The following AR variants were observed in gnomAD, a reference collection of about 807,000 sequenced individuals.
AR encodes the protein dihydrotestosterone receptor.
In AR, 8 loss-of-function variants were observed where a neutral mutation model predicts 53.9. That is an observed-to-expected ratio of 0.15 (90% confidence interval 0.09 to 0.27). The LOEUF (loss-of-function observed/expected upper bound fraction) is 0.27. Among genes scored for constraint, AR ranks in the 10% least tolerant of loss-of-function variants. AR has a pLI of 1.00. For synonymous variants in AR, 359 were observed against 316.4 expected (o/e 1.13, Z -1.43); for missense variants, 639 against 742.5 (o/e 0.86, Z 1.62).
intron 1 of AR, among the ~76,000 whole-genome samples, chrX:67,605,175 G>T (rs1923567286): frequency 8.9e-6 from 1 of 112,579 alleles, no homozygotes; most frequent in Admixed American, 9.3e-5. Flanking sequence ...ACTGGAGAGT[G>T]TTTTTTGAAA....
In AR at chrX:67,729,482, C is replaced by T. The variant is rs750332219; in HGVS notation, c.*5641C>T. On this transcript the variant is annotated 3_prime_UTR_variant, in exon 8 of 8. Coordinates refer to ENST00000374690, the MANE Select transcript of AR (RefSeq NM_000044.6). ...AGGTGGAGTTTCATAGTAAAAACAGCTTTTGACTCAGCTTTGATTTATCCT... is the reference window on the plus strand; with the variant it reads ...AGGTGGAGTTTCATAGTAAAAACAGTTTTTGACTCAGCTTTGATTTATCCT... The T allele has an allele frequency of 1.3e-4, 23 of 173,661 alleles. No homozygotes were observed. The highest frequency in any genetic ancestry group is 6.2e-4 in the African/African-American group (21 of 33,927). The allele number at this position is 173,661 out of a possible 1,213,427, so 14.3% of individuals were successfully genotyped here.
intron 1 of AR, among the ~76,000 whole-genome samples, chrX:67,594,850 G>T (rs1183842679): frequency 1.8e-5 from 2 of 111,657 alleles, no homozygotes; most frequent in Non-Finnish European, 3.8e-5. Flanking sequence ...TCAGGAGGCT[G>T]AGGTGGGAGG....
At chrX:67,665,100 C>T (rs758586784) in intron 2 of AR, among the ~76,000 whole-genome samples, 2 of 113,045 alleles carry the variant, frequency 1.8e-5, no homozygotes, top group Admixed American at 1.9e-4. Context: ...TTGGCTCATG[C>T]TCGGTGCGCT....
rs1465892722 is a variant in AR at position 67,730,045 on chromosome X, G to C, written c.*6204G>C. The C allele has an allele frequency of 1.7e-5, 3 of 173,003 alleles. No individual in the cohort carries two copies. The highest frequency in any genetic ancestry group is 3.0e-5 in the African/African-American group (1 of 33,627). The allele number at this position is 173,003 out of a possible 1,213,427, so 14.3% of individuals were successfully genotyped here. A position where few individuals can be genotyped will look rare whatever the true frequency, so the allele number is the denominator to read the frequency against. The stretch of plus-strand genomic sequence containing the variant: ...AGTGACACCTTTCTGCTTTCCTCTA[G>C]ACTGGAACATTGATTAGGGAGTGCC... On this transcript the variant is annotated 3_prime_UTR_variant, in exon 8 of 8. Coordinates refer to ENST00000374690, the MANE Select transcript of AR (RefSeq NM_000044.6).
chrX:67,681,758 A>T (rs2075935319), intron 2 of AR, among the ~76,000 whole-genome samples: 2 of 112,335 alleles, frequency 1.8e-5, no homozygotes, highest in Admixed American at 9.4e-5. Flanking sequence ...CTTTGCAGGG[A>T]TGCTGCAGAG....
chrX:67,548,777 G>T (rs1014545818), intron 1 of AR, among the ~76,000 whole-genome samples: 1 of 112,152 alleles, frequency 8.9e-6, no homozygotes, highest in East Asian at 2.8e-4. Flanking sequence ...AATGAAAAAA[G>T]CTTCTTTATG....
chrX:67,721,730 T>C, intron 5 of AR, 103 bp from the exon 6 acceptor site: 1 of 1,081,678 alleles, frequency 9.2e-7, no homozygotes, highest in Non-Finnish European at 1.3e-6. Flanking sequence ...AACAGCAAGC[T>C]CTTCTTGGAA....
chrX:67,669,583 C>T (rs1602241658), intron 2 of AR, among the ~76,000 whole-genome samples: 2 of 111,185 alleles, frequency 1.8e-5, no homozygotes, highest in Non-Finnish European at 3.8e-5. Context: ...AGATTAAAGC[C>T]GATGTTTCAT....
Position 67,727,021 on chromosome X carries a change from G to T in AR, c.*3180G>T. 1 of 173,983 alleles carries T rather than the reference G, an allele frequency of 5.7e-6. No homozygotes were observed. Among genetic ancestry groups the T allele is most frequent in the Non-Finnish European group, 1.1e-5 (1 of 90,358 alleles). The allele number at this position is 173,983 out of a possible 1,213,427, so 14.3% of individuals were successfully genotyped here. ...CCAGGGAGAAGGCTCCGTCTGTGCT[G>T]GGCAGCAGACAGCTGCCAGGATCAC... On this transcript the variant is annotated 3_prime_UTR_variant, in exon 8 of 8. Coordinates refer to ENST00000374690, the MANE Select transcript of AR (RefSeq NM_000044.6).
rs749891289 is a variant in AR at position 67,545,362 on chromosome X, G to GCAGCAA, written c.221_222insACAGCA (p.Gln79_Gln80dup). The GCAGCAA allele has an allele frequency of 1.7e-6, 2 of 1,180,610 alleles. No individual in the cohort carries two copies. The highest frequency in any genetic ancestry group is 2.3e-6 in the Non-Finnish European group (2 of 880,656). ...AGCAGCAGCAGCAGCAGCAGCAGCA[G>GCAGCAA]CAGCAGCAGCAGCAGCAGCAGCAAG... On this transcript the variant is annotated inframe_insertion, in exon 1 of 8. Transcript: ENST00000374690.
At chrX:67,713,837 A>G (rs905711687) in intron 4 of AR, among the ~76,000 whole-genome samples, 1 of 112,015 alleles carries the variant, frequency 8.9e-6, no homozygotes, top group Non-Finnish European at 1.9e-5. Context: ...TCAGTTCACC[A>G]TCTAGCTTGC....
At chrX:67,660,189 T>G (rs1049689677) in intron 2 of AR, among the ~76,000 whole-genome samples, 1 of 112,428 alleles carries the variant, frequency 8.9e-6, no homozygotes, top group Non-Finnish European at 1.9e-5. Flanking sequence ...TGGTAGTTTC[T>G]TTTGCTATGC....
chrX:67,695,100 G>T, intron 3 of AR: 1 of 773,991 alleles, frequency 1.3e-6, no homozygotes, highest in Non-Finnish European at 1.5e-6. Flanking sequence ...TGGCTCAGTC[G>T]CTTGCTTTTC....
At chrX:67,619,356 T>C (rs1321291912) in intron 1 of AR, among the ~76,000 whole-genome samples, 1 of 110,599 alleles carries the variant, frequency 9.0e-6, no homozygotes, top group Non-Finnish European at 1.9e-5. Flanking sequence ...TGTGTGTAAT[T>C]GTAGGAACTA....
At chrX:67,679,020 G>T (rs2075917110) in intron 2 of AR, among the ~76,000 whole-genome samples, 1 of 111,191 alleles carries the variant, frequency 9.0e-6, no homozygotes, top group African/African-American at 3.3e-5. Context: ...ATTGCTAAAA[G>T]AGTAAATTTA....
At chrX:67,675,796 G>A (rs763139382) in intron 2 of AR, among the ~76,000 whole-genome samples, 12 of 111,772 alleles carry the variant, frequency 1.1e-4, no homozygotes, top group Non-Finnish European at 1.9e-4. Context: ...GTGCTTTTTT[G>A]TGTGGATCAC....
chrX:67,681,442 C>T (rs1351326589), intron 2 of AR, among the ~76,000 whole-genome samples: 1 of 112,139 alleles, frequency 8.9e-6, no homozygotes, highest in Admixed American at 9.5e-5. Context: ...AACGCTTTGT[C>T]TTCAGACTAT....
intron 2 of AR, among the ~76,000 whole-genome samples, chrX:67,680,472 A>G (rs1445773880): frequency 8.9e-6 from 1 of 112,265 alleles, no homozygotes; most frequent in Non-Finnish European, 1.9e-5. Flanking sequence ...GCTTCTTCTT[A>G]GCCAGGAATA....
chrX:67,604,300 T>A (rs746610907), intron 1 of AR, among the ~76,000 whole-genome samples: 1 of 105,308 alleles, frequency 9.5e-6, no homozygotes, highest in East Asian at 3.1e-4. Context: ...GCCACTGCAG[T>A]GGGGTCTGCA....
Sources: gnomAD v4.1 joint callset for allele counts (sites outside exome capture counted in the v4.1 genomes callset) on GRCh38, gnomAD v4.1.1 for gene constraint, MANE v1.5 for transcripts, NCBI Gene and HGNC (gene_info 2026-07-23, HGNC 2026-07-21) for gene names.